SUN3: variants seen among roughly 807,000 people sequenced by gnomAD.
SUN3 encodes the protein SUN domain-containing protein 3.
SUN3 carries 36 observed loss-of-function variants against 48.2 expected under a neutral mutation model. The ratio of observed to expected loss-of-function variants is 0.75; its 90% confidence interval spans 0.57 to 0.99. The LOEUF (loss-of-function observed/expected upper bound fraction) is 0.99. Among genes scored for constraint, SUN3 ranks in the 50% least tolerant of loss-of-function variants. The probability of loss-of-function intolerance (pLI) is 0.00; values close to 1 mark genes in which losing one functional copy is unlikely to be tolerated. For missense variants in SUN3, 419 were observed against 433.1 expected (o/e 0.97, Z 0.29); for synonymous variants, 148 against 147.9 (o/e 1.00, Z 0.00).
intron 6 of SUN3, among the ~76,000 whole-genome samples, chr7:48,005,277 C>T (rs1273728159): frequency 1.3e-5 from 2 of 152,210 alleles, no homozygotes; most frequent in Non-Finnish European, 2.9e-5. Context: ...CCCTCTAACT[C>T]ACTCTCTGAA....
At chr7:48,013,563 G>T (rs1274394901) in intron 3 of SUN3, among the ~76,000 whole-genome samples, 2 of 152,084 alleles carry the variant, frequency 1.3e-5, no homozygotes, top group African/African-American at 4.8e-5. Flanking sequence ...TTAAGCCATA[G>T]GATGTTTGTG....
chr7:48,024,783 T>C (rs912368620), intron 2 of SUN3, among the ~76,000 whole-genome samples: 2 of 152,076 alleles, frequency 1.3e-5, no homozygotes, highest in Non-Finnish European at 2.9e-5. Context: ...TCAGGTTCTT[T>C]TTAACAATTA....
intron 7 of SUN3, among the ~76,000 whole-genome samples, chr7:47,995,800 A>G (rs1476065962): frequency 6.6e-6 from 1 of 152,228 alleles, no homozygotes; most frequent in Non-Finnish European, 1.5e-5. Flanking sequence ...AATCTAGTTT[A>G]CTAATCTTAA....
At chr7:48,010,753 A>G (rs767288694) in intron 3 of SUN3, among the ~76,000 whole-genome samples, 9 of 152,180 alleles carry the variant, frequency 5.9e-5, no homozygotes, top group African/African-American at 9.7e-5. Flanking sequence ...AAGGGACCCT[A>G]TGAGTTTCCT....
upstream of SUN3, among the ~76,000 whole-genome samples, chr7:48,029,555 A>G (rs1790226178): frequency 6.6e-6 from 1 of 152,126 alleles, no homozygotes; most frequent in African/African-American, 2.4e-5. Context: ...TGAGACATTA[A>G]CTCCACTCAT....
intron 3 of SUN3, among the ~76,000 whole-genome samples, chr7:48,012,982 C>T (rs1789722974): frequency 6.6e-6 from 1 of 152,194 alleles, no homozygotes; most frequent in Non-Finnish European, 1.5e-5. Flanking sequence ...GACTTCACAG[C>T]CTCCAGAACT....
chr7:48,021,027 T>A (rs1789979660), intron 2 of SUN3, among the ~76,000 whole-genome samples: 1 of 152,078 alleles, frequency 6.6e-6, no homozygotes, highest in Non-Finnish European at 1.5e-5. Context: ...GACTTCAAAT[T>A]ATACTACAGA....
intron 8 of SUN3, among the ~76,000 whole-genome samples, chr7:47,993,491 A>G (rs1181371952): frequency 1.3e-5 from 2 of 152,254 alleles, no homozygotes; most frequent in Admixed American, 6.5e-5. Context: ...AATAAATGAA[A>G]TATTGAGACA....
intron 1 of SUN3, among the ~76,000 whole-genome samples, chr7:48,028,339 T>C (rs973308582): frequency 2.0e-5 from 3 of 151,746 alleles, no homozygotes; most frequent in African/African-American, 7.3e-5. Flanking sequence ...ACAGGGTGAT[T>C]CACTCAAAAT....
At chr7:48,005,503 G>T (rs890615497) in intron 6 of SUN3, among the ~76,000 whole-genome samples, 1 of 152,120 alleles carries the variant, frequency 6.6e-6, no homozygotes, top group Non-Finnish European at 1.5e-5. Flanking sequence ...TATAGGCAGG[G>T]CATGGTAGAT....
intron 8 of SUN3, among the ~76,000 whole-genome samples, chr7:47,991,210 CCA>C (rs1789050566): frequency 6.6e-6 from 1 of 152,102 alleles, no homozygotes; most frequent in South Asian, 2.1e-4. Context: ...GATACTGCGC[CCA>C]GTCCTTTTAT....
intron 8 of SUN3, among the ~76,000 whole-genome samples, chr7:47,989,686 A>T (rs1788997642): frequency 6.6e-6 from 1 of 152,204 alleles, no homozygotes; most frequent in Non-Finnish European, 1.5e-5. Context: ...GTATGTGGGG[A>T]AAAGAGAGAT....
intron 6 of SUN3, among the ~76,000 whole-genome samples, chr7:47,997,192 G>A (rs1025529027): frequency 7.2e-5 from 11 of 152,212 alleles, no homozygotes; most frequent in African/African-American, 2.6e-4. Context: ...ATAAAAGACA[G>A]CCATTTAAAT....
At chr7:48,012,195 G>A (rs1789702257) in intron 3 of SUN3, among the ~76,000 whole-genome samples, 1 of 152,176 alleles carries the variant, frequency 6.6e-6, no homozygotes, top group South Asian at 2.1e-4. Context: ...CAGAGCACTC[G>A]TTAAGAGGAC....
chr7:48,030,645 G>A (rs1462103021), upstream of SUN3, among the ~76,000 whole-genome samples: 2 of 152,200 alleles, frequency 1.3e-5, no homozygotes, highest in African/African-American at 4.8e-5. Flanking sequence ...TTCATTGGGT[G>A]AATGGGCCAT....
At chr7:47,993,255 C>T (rs949733764) in intron 8 of SUN3, among the ~76,000 whole-genome samples, 4 of 152,116 alleles carry the variant, frequency 2.6e-5, no homozygotes, top group Non-Finnish European at 4.4e-5. Context: ...AGCAGTGCCT[C>T]AAATGTTAAA....
chr7:48,029,307 T>G (rs1339798845), upstream of SUN3, among the ~76,000 whole-genome samples: 5 of 152,216 alleles, frequency 3.3e-5, no homozygotes, highest in Non-Finnish European at 7.4e-5. Flanking sequence ...TGTGTTTGCT[T>G]CAGTGCTTTT....
chr7:48,010,202 A>G (rs956691272), intron 3 of SUN3, among the ~76,000 whole-genome samples: 1 of 152,136 alleles, frequency 6.6e-6, no homozygotes, highest in African/African-American at 2.4e-5. Context: ...CCCCTATTCC[A>G]ACATGGGATG....
chr7:48,020,666 T>C (rs1319299596), intron 2 of SUN3, among the ~76,000 whole-genome samples: 1 of 151,870 alleles, frequency 6.6e-6, no homozygotes, highest in Non-Finnish European at 1.5e-5. Context: ...ATCTGAAAAA[T>C]TAATAAAGTA....
Sources: gnomAD v4.1 joint callset for allele counts (sites outside exome capture counted in the v4.1 genomes callset) on GRCh38, gnomAD v4.1.1 for gene constraint, MANE v1.5 for transcripts, NCBI Gene and HGNC (gene_info 2026-07-23, HGNC 2026-07-21) for gene names.